The following PPHLN1 variants were observed in gnomAD, a reference collection of about 807,000 sequenced individuals.
The protein encoded by PPHLN1 is periphilin 1, also known as periphilin-1.
A neutral mutation model predicts 51.3 loss-of-function variants in PPHLN1; 29 were observed. That is an observed-to-expected ratio of 0.57 (90% CI 0.42 to 0.77). The LOEUF is 0.77. Among genes scored for constraint, PPHLN1 ranks in the 30% least tolerant of loss-of-function variants. The probability of loss-of-function intolerance (pLI) is 0.00; values close to 1 mark genes in which losing one functional copy is unlikely to be tolerated. For synonymous variants in PPHLN1, 147 were observed against 147.8 expected (o/e 0.99, Z 0.04); for missense variants, 436 against 438.4 (o/e 0.99, Z 0.05).
At chr12:42,435,660 T>G (rs2082418354) in intron 9 of PPHLN1, among the ~76,000 whole-genome samples, 2 of 152,342 alleles carry the variant, frequency 1.3e-5, no homozygotes, top group South Asian at 2.1e-4. Context: ...GGAGTTTCTT[T>G]TTTTTAACTT....
At chr12:42,405,440 A>G (rs1456636118) in intron 9 of PPHLN1, among the ~76,000 whole-genome samples, 1 of 152,242 alleles carries the variant, frequency 6.6e-6, no homozygotes, top group African/African-American at 2.4e-5. Context: ...CTGCACTAAG[A>G]AAATCTCATG....
intron 5 of PPHLN1, among the ~76,000 whole-genome samples, chr12:42,376,432 ATTTTT>A (rs1707615334): frequency 6.6e-6 from 1 of 152,162 alleles, no homozygotes; most frequent in Non-Finnish European, 1.5e-5. Flanking sequence ...CAAAAAACAT[ATTTTT>A]GGATACAGGT....
intron 2 of PPHLN1, among the ~76,000 whole-genome samples, chr12:42,341,498 A>G (rs1012646566): frequency 1.3e-5 from 2 of 152,132 alleles, no homozygotes; most frequent in Non-Finnish European, 1.5e-5. Context: ...TTGAACACTA[A>G]TATACTTTGG....
intron 9 of PPHLN1, among the ~76,000 whole-genome samples, chr12:42,414,643 T>C (rs1032993749): frequency 6.6e-6 from 1 of 152,228 alleles, no homozygotes; most frequent in East Asian, 1.9e-4. Flanking sequence ...CCTGAGACTT[T>C]ACTGAATTCG....
intron 8 of PPHLN1, among the ~76,000 whole-genome samples, chr12:42,398,305 A>G (rs935199099): frequency 1.3e-5 from 2 of 152,164 alleles, no homozygotes; most frequent in Non-Finnish European, 2.9e-5. Flanking sequence ...GAGCAAGGTG[A>G]TTTAACTTCT....
intron 4 of PPHLN1, chr12:42,361,698 A>T (rs996282241): frequency 2.0e-5 from 3 of 152,212 alleles, no homozygotes; most frequent in African/African-American, 4.8e-5. Context: ...TATGCCATTT[A>T]CACAATTTTT....
At chr12:42,335,578 AAGT>A (rs1370884739) in intron 1 of PPHLN1, among the ~76,000 whole-genome samples, 1 of 152,002 alleles carries the variant, frequency 6.6e-6, no homozygotes, top group Non-Finnish European at 1.5e-5. Context: ...GAGAATGAAG[AAGT>A]ATTTGTGGTC....
At chr12:42,446,943 G>A (rs1225711508), downstream of PPHLN1, 2 of 282,134 alleles carry the variant, frequency 7.1e-6, no homozygotes, top group South Asian at 1.3e-4. Flanking sequence ...AAAGGGGGGC[G>A]ACAATGTTCA....
chr12:42,438,899 G>A (rs1350858074), intron 9 of PPHLN1, among the ~76,000 whole-genome samples: 2 of 152,150 alleles, frequency 1.3e-5, no homozygotes, highest in Non-Finnish European at 2.9e-5. Context: ...ACTGCGCCCG[G>A]CCCTCTTATT....
intron 4 of PPHLN1, among the ~76,000 whole-genome samples, chr12:42,362,138 A>T (rs2074761863): frequency 1.3e-5 from 2 of 152,174 alleles, no homozygotes; most frequent in South Asian, 4.1e-4. Context: ...CCTAATGATG[A>T]CTAGTGGTGA....
intron 7 of PPHLN1, among the ~76,000 whole-genome samples, chr12:42,392,097 T>C (rs1355772182): frequency 1.3e-5 from 2 of 152,122 alleles, no homozygotes; most frequent in Non-Finnish European, 2.9e-5. Context: ...GCATTTGTAC[T>C]GTTAGCTACT....
At chr12:42,390,250 G>A (rs2077573433) in intron 7 of PPHLN1, among the ~76,000 whole-genome samples, 1 of 152,146 alleles carries the variant, frequency 6.6e-6, no homozygotes, top group Non-Finnish European at 1.5e-5. Flanking sequence ...TTTCCCAGAA[G>A]TCTGAGGGTT....
At chr12:42,393,031 T>A (rs1452454657) in intron 7 of PPHLN1, among the ~76,000 whole-genome samples, 1 of 152,188 alleles carries the variant, frequency 6.6e-6, no homozygotes, top group Admixed American at 6.6e-5. Flanking sequence ...GTCCATACCT[T>A]GTTTAGTATT....
intron 3 of PPHLN1, among the ~76,000 whole-genome samples, chr12:42,354,604 CTTTG>C (rs1343262394): frequency 6.6e-6 from 1 of 151,928 alleles, no homozygotes; most frequent in Non-Finnish European, 1.5e-5. Flanking sequence ...ACAAAATGTG[CTTTG>C]TTTGATTAAT....
intron 4 of PPHLN1, among the ~76,000 whole-genome samples, chr12:42,365,088 C>G (rs1221652370): frequency 6.6e-6 from 1 of 152,158 alleles, no homozygotes; most frequent in Non-Finnish European, 1.5e-5. Context: ...AGCAGGCAGA[C>G]AGGTGTTTGA....
chr12:42,367,306 A>G (rs1211876601), intron 4 of PPHLN1, among the ~76,000 whole-genome samples: 1 of 152,218 alleles, frequency 6.6e-6, no homozygotes, highest in African/African-American at 2.4e-5. Context: ...ACTAGTGCAC[A>G]TGATGTTAGT....
intron 2 of PPHLN1, among the ~76,000 whole-genome samples, chr12:42,343,202 C>A (rs2071750432): frequency 6.7e-6 from 1 of 150,114 alleles, no homozygotes; most frequent in Admixed American, 6.7e-5. Flanking sequence ...AATATTTTTT[C>A]TTTCCATTCT....
chr12:42,349,209 TAATG>T (rs2072831987), intron 2 of PPHLN1, among the ~76,000 whole-genome samples: 3 of 152,214 alleles, frequency 2.0e-5, no homozygotes. Context: ...TGCACAGTAG[TAATG>T]AATATAGCAA....
chr12:42,414,286 CG>C (rs1423319559), intron 9 of PPHLN1, among the ~76,000 whole-genome samples: 2 of 152,134 alleles, frequency 1.3e-5, no homozygotes, highest in Non-Finnish European at 2.9e-5. Context: ...CCACCAGCCT[CG>C]GCCTCCCAAA....
Sources: allele counts gnomAD v4.1 joint callset (sites outside exome capture counted in the v4.1 genomes callset), GRCh38; gene constraint gnomAD v4.1.1; transcripts MANE v1.5; gene names NCBI Gene and HGNC (gene_info 2026-07-23, HGNC 2026-07-21).